Variants in STIMATE observed in about 807,000 individuals in gnomAD.
STIMATE encodes store-operated calcium entry regulator STIMATE.
In STIMATE, 15 loss-of-function variants were observed where a neutral mutation model predicts 36.7. The ratio of observed to expected loss-of-function variants is 0.41; its 90% confidence interval spans 0.27 to 0.63. The LOEUF (loss-of-function observed/expected upper bound fraction) is 0.63, where lower values mean the gene tolerates loss of function less well. STIMATE is among the 20% of genes least tolerant of loss of function. STIMATE has a pLI of 0.32. For synonymous variants in STIMATE, 163 were observed against 162.3 expected, an observed-to-expected ratio of 1.00 and a Z score of -0.03; for missense variants, 305 against 397.3, an observed-to-expected ratio of 0.77 and a Z score of 1.98.
intron 1 of STIMATE, among the ~76,000 whole-genome samples, chr3:52,874,546 A>C (rs1167430851): frequency 6.6e-6 from 1 of 152,186 alleles, no homozygotes; most frequent in Non-Finnish European, 1.5e-5. Context: ...TTACAGTGAG[A>C]ATGTATTACT....
intron 1 of STIMATE, among the ~76,000 whole-genome samples, chr3:52,860,137 A>C (rs982803151): frequency 2.0e-5 from 3 of 151,396 alleles, no homozygotes; most frequent in Admixed American, 6.6e-5. Flanking sequence ...AAAAAAAAAA[A>C]AACAGAAAAA....
intron 1 of STIMATE, among the ~76,000 whole-genome samples, chr3:52,868,116 C>T (rs1701341834): frequency 6.6e-6 from 1 of 152,224 alleles, no homozygotes; most frequent in Non-Finnish European, 1.5e-5. Flanking sequence ...AACATCCCAA[C>T]AACCAGGCCC....
At chr3:52,843,569 C>A (rs1250824045) in intron 6 of STIMATE, 152 bp downstream of exon 6, 29 of 1,196,786 alleles carry the variant, frequency 2.4e-5, no homozygotes, top group Non-Finnish European at 3.2e-5. Flanking sequence ...GGTAATCCTG[C>A]CATTTCCAGG....
In STIMATE at chr3:52,837,091, T is replaced by C. The variant is rs6790314; in HGVS notation, c.*3403A>G. The stretch of plus-strand genomic sequence containing the variant: ...AAGTAAAACAGAGAGCTCTGCACTC[T>C]TAGCTGCAAGCGTGTGAAACTTCTA... On this transcript the variant is annotated 3_prime_UTR_variant, in exon 8 of 8. Coordinates refer to ENST00000355083, the MANE Select transcript of STIMATE (RefSeq NM_198563.5). 6,360 of 154,278 alleles carry C rather than the reference T, an allele frequency of 0.041. 435 individuals are homozygous for C. Among genetic ancestry groups the C allele is most frequent in the African/African-American group, 0.14 (5,948 of 41,578 alleles). The allele number at this position is 154,278 out of a possible 1,614,324, so 9.6% of individuals were successfully genotyped here.
intron 2 of STIMATE, among the ~76,000 whole-genome samples, chr3:52,853,764 G>T (rs1445855481): frequency 6.6e-6 from 1 of 152,218 alleles, no homozygotes; most frequent in African/African-American, 2.4e-5. Flanking sequence ...AAATTCGCCA[G>T]CAACACGTTT....
intron 1 of STIMATE, among the ~76,000 whole-genome samples, chr3:52,861,510 A>C (rs1701214463): frequency 6.6e-6 from 1 of 152,210 alleles, no homozygotes; most frequent in Non-Finnish European, 1.5e-5. Flanking sequence ...TGTCTCTGCT[A>C]CTATCTAGCT....
At chr3:52,843,552 T>C (rs981744509) in intron 6 of STIMATE, among the ~76,000 whole-genome samples, 169 bp downstream of exon 6, 1 of 151,968 alleles carries the variant, frequency 6.6e-6, no homozygotes, top group Non-Finnish European at 1.5e-5. Flanking sequence ...GCCCTGCCTT[T>C]TGAGGGGGTA....
chr3:52,859,541 T>A (rs1701176117), intron 1 of STIMATE, among the ~76,000 whole-genome samples: 2 of 129,618 alleles, frequency 1.5e-5, no homozygotes, highest in African/African-American at 5.7e-5. Flanking sequence ...ATTTTTTTTT[T>A]TTTTTTTTTT....
rs540313557 is a variant in STIMATE at position 52,877,520 on chromosome 3, A to G, written c.160+19771T>C. The stretch of plus-strand genomic sequence containing the variant: ...AAAGGGCAGAGGCCTAGGACAGAGG[A>G]ATTCTGGGTTCTAGTCCTGGCTCAG... On this transcript the variant is annotated intron_variant, in intron 1 of 7. Coordinates refer to ENST00000355083, the MANE Select transcript of STIMATE (RefSeq NM_198563.5). Among the ~76,000 whole-genome samples the G allele has an allele frequency of 3.3e-5, 5 of 152,348 alleles. No homozygotes were observed. In the South Asian group the frequency reaches 1.0e-3, roughly 32 times the overall value.
At chr3:52,857,018 T>C (rs977859174) in intron 1 of STIMATE, among the ~76,000 whole-genome samples, 2 of 152,204 alleles carry the variant, frequency 1.3e-5, no homozygotes, top group Non-Finnish European at 2.9e-5. Flanking sequence ...GATGCCTTGT[T>C]ACTCCTGGTG....
intron 1 of STIMATE, among the ~76,000 whole-genome samples, chr3:52,881,913 C>T (rs1246173277): frequency 6.6e-6 from 1 of 152,230 alleles, no homozygotes; most frequent in Non-Finnish European, 1.5e-5. Flanking sequence ...TCTTAGAGAA[C>T]AGGAATCAAG....
At position 52,840,452 on chromosome 3, in the gene STIMATE, C is replaced by T. The variant is rs367728716; in HGVS notation, c.*42G>A. ...CTGCGGGATGACCTCTGCACACCAG[C>T]GGCTGGCGGGGCCCTCCCGTCACCC... On this transcript the variant is annotated 3_prime_UTR_variant, in exon 8 of 8. Transcript: ENST00000355083. The T allele has an allele frequency of 1.4e-5, 23 of 1,600,784 alleles. No homozygotes were observed. Among genetic ancestry groups the T allele is most frequent in the Non-Finnish European group, 1.8e-5 (21 of 1,170,464 alleles).
chr3:52,843,510 C>T (rs963234652), intron 6 of STIMATE, among the ~76,000 whole-genome samples: 20 of 152,084 alleles, frequency 1.3e-4, no homozygotes, highest in Admixed American at 2.6e-4. Context: ...GCTCCCAGGC[C>T]CCTCCATCCT....
At chr3:52,877,587 C>T (rs920974275) in intron 1 of STIMATE, among the ~76,000 whole-genome samples, 1 of 152,200 alleles carries the variant, frequency 6.6e-6, no homozygotes, top group Non-Finnish European at 1.5e-5. Flanking sequence ...CATTCAATCC[C>T]TCCAGTTCGA....
At chr3:52,884,363 A>G (rs1008106654) in intron 1 of STIMATE, among the ~76,000 whole-genome samples, 19 of 151,354 alleles carry the variant, frequency 1.3e-4, no homozygotes, top group Non-Finnish European at 1.9e-4. Context: ...CTCCTGCCTC[A>G]GCCTCCCGAG....
intron 1 of STIMATE, among the ~76,000 whole-genome samples, chr3:52,864,947 C>A (rs2106692285): frequency 7.0e-6 from 1 of 141,884 alleles, no homozygotes; most frequent in Middle Eastern, 3.6e-3. Context: ...AAGTCTCTCT[C>A]TTTTCTTTTT....
chr3:52,844,161 G>T (rs1178055772), intron 5 of STIMATE, among the ~76,000 whole-genome samples: 1 of 152,156 alleles, frequency 6.6e-6, no homozygotes, highest in Non-Finnish European at 1.5e-5. Context: ...CACCAGCAAT[G>T]AGGCCCCAGA....
chr3:52,843,059 T>C (rs1047936004), intron 6 of STIMATE, 99 bp from the exon 7 acceptor site: 1 of 1,546,350 alleles, frequency 6.5e-7, no homozygotes, highest in Non-Finnish European at 8.7e-7. Context: ...GGTTATAAGA[T>C]CCAGAGCTAT....
chr3:52,884,359 C>T (rs1485199374), intron 1 of STIMATE, among the ~76,000 whole-genome samples: 1 of 151,832 alleles, frequency 6.6e-6, no homozygotes, highest in East Asian at 1.9e-4. Context: ...GATTCTCCTG[C>T]CTCAGCCTCC....
Sources: gnomAD v4.1 joint callset for allele counts (sites outside exome capture counted in the v4.1 genomes callset) on GRCh38, gnomAD v4.1.1 for gene constraint, MANE v1.5 for transcripts, NCBI Gene and HGNC (gene_info 2026-07-23, HGNC 2026-07-21) for gene names.